RCOR1: variants seen among roughly 807,000 people sequenced by gnomAD.
RCOR1 encodes the protein REST corepressor.
In RCOR1, 12 loss-of-function variants were observed where a neutral mutation model predicts 64.0. That is an observed-to-expected ratio of 0.19 (90% CI 0.12 to 0.30). RCOR1 has a LOEUF of 0.30. RCOR1 is among the 10% of genes least tolerant of loss of function. The pLI, the probability that RCOR1 is intolerant of heterozygous loss-of-function variation, is 1.00. For synonymous variants in RCOR1, 279 were observed against 227.2 expected (o/e 1.23, Z -2.05); for missense variants, 502 against 621.2 (o/e 0.81, Z 2.04).
intron 2 of RCOR1, chr14:102,630,010 GA>G (rs1338851696): frequency 1.0e-6 from 1 of 976,040 alleles, no homozygotes; most frequent in Admixed American, 6.2e-5. Flanking sequence ...CAGAAGTGGG[GA>G]GTCTTGGGCA....
intron 3 of RCOR1, among the ~76,000 whole-genome samples, chr14:102,699,059 G>A (rs998245926): frequency 6.6e-6 from 1 of 152,082 alleles, no homozygotes; most frequent in Non-Finnish European, 1.5e-5. Context: ...GCTAATTTTT[G>A]TATTTTTAGT....
intron 8 of RCOR1, among the ~76,000 whole-genome samples, chr14:102,717,416 G>A (rs941670264): frequency 1.3e-5 from 2 of 152,232 alleles, no homozygotes; most frequent in Non-Finnish European, 2.9e-5. Flanking sequence ...AGCACACTCT[G>A]TGTGCTCAGA....
At chr14:102,672,111 G>C (rs961516695) in intron 2 of RCOR1, among the ~76,000 whole-genome samples, 5 of 152,146 alleles carry the variant, frequency 3.3e-5, no homozygotes, top group Non-Finnish European at 5.9e-5. Context: ...TTTAGCTGTT[G>C]AGTAATGCTG....
intron 2 of RCOR1, among the ~76,000 whole-genome samples, chr14:102,642,061 G>A (rs1343008976): frequency 6.6e-6 from 1 of 152,194 alleles, no homozygotes; most frequent in Non-Finnish European, 1.5e-5. Context: ...TTGGGGACAA[G>A]GGTGGTTAAC....
At chr14:102,629,330 C>T (rs1277565381) in intron 2 of RCOR1, among the ~76,000 whole-genome samples, 1 of 152,010 alleles carries the variant, frequency 6.6e-6, no homozygotes, top group Non-Finnish European at 1.5e-5. Flanking sequence ...TTACTCTTAT[C>T]GTCATCTAAC....
At chr14:102,704,863 G>A in intron 4 of RCOR1, among the ~76,000 whole-genome samples, 1 of 152,166 alleles carries the variant, frequency 6.6e-6, no homozygotes, top group East Asian at 1.9e-4. Flanking sequence ...GGTGGTGTGT[G>A]CCTGTGGTCC....
At chr14:102,656,982 C>G in intron 2 of RCOR1, 1 of 473,022 alleles carries the variant, frequency 2.1e-6, no homozygotes, top group Non-Finnish European at 2.8e-6. Flanking sequence ...ACCATGTTGG[C>G]CAGGATGGTC....
At chr14:102,665,311 C>CTTTTT (rs35214723) in intron 2 of RCOR1, among the ~76,000 whole-genome samples, 2 of 132,000 alleles carry the variant, frequency 1.5e-5, no homozygotes, top group Non-Finnish European at 1.6e-5. Flanking sequence ...GGCCTCAACA[C>CTTTTT]TTTTTTTTTT....
chr14:102,684,084 T>C (rs1198556931), intron 3 of RCOR1, among the ~76,000 whole-genome samples: 2 of 152,200 alleles, frequency 1.3e-5, no homozygotes, highest in African/African-American at 4.8e-5. Flanking sequence ...GGCTGAGCGC[T>C]AGGAACAGGT....
At chr14:102,629,204 G>T (rs1469166224) in intron 2 of RCOR1, among the ~76,000 whole-genome samples, 6 of 152,068 alleles carry the variant, frequency 3.9e-5, no homozygotes, top group African/African-American at 1.4e-4. Context: ...CCTTATTCTT[G>T]CCACGTGTAC....
Position 102,659,025 on chromosome 14 carries a change from T to G in RCOR1, c.362-22870T>G, listed in dbSNP as rs74674595. ...AACCTACACTCAAGTCGGGGAGATTTAAGCTCCATCTCCTAGAGGGGAGTG... is the reference window on the plus strand; with the variant it reads ...AACCTACACTCAAGTCGGGGAGATTGAAGCTCCATCTCCTAGAGGGGAGTG... On this transcript the variant is annotated intron_variant, in intron 2 of 11. Coordinates refer to ENST00000262241, the MANE Select transcript of RCOR1 (RefSeq NM_015156.4). 4.9e-3 allele frequency: 3,335 copies of G among 686,882 alleles called. 96 individuals are homozygous for G. In the African/African-American group the frequency reaches 0.059, roughly 12 times the overall value. 42.5% of individuals were successfully genotyped at this position (686,882 alleles called of 1,614,324 possible).
rs551513550 is a variant in RCOR1 at position 102,647,674 on chromosome 14, A to G, written c.362-34221A>G. The stretch of plus-strand genomic sequence containing the variant: ...TGAACATAAAGACATCTTTATTTTT[A>G]TTTATTTATTTTATTTATTTTTGAG... On this transcript the variant is annotated intron_variant, in intron 2 of 11. Coordinates refer to ENST00000262241, the MANE Select transcript of RCOR1 (RefSeq NM_015156.4). Among the ~76,000 whole-genome samples, 12 of 151,924 alleles carry G rather than the reference A, an allele frequency of 7.9e-5. No homozygotes were observed. In the South Asian group the frequency reaches 2.5e-3, roughly 32 times the overall value.
chr14:102,667,040 G>A (rs1894927443), intron 2 of RCOR1, among the ~76,000 whole-genome samples: 1 of 152,078 alleles, frequency 6.6e-6, no homozygotes, highest in African/African-American at 2.4e-5. Context: ...GATTTGATCA[G>A]AATTATGTTC....
At chr14:102,593,559 C>G (rs975201122) in intron 2 of RCOR1, among the ~76,000 whole-genome samples, 14 of 152,248 alleles carry the variant, frequency 9.2e-5, no homozygotes, top group Admixed American at 9.2e-4. Context: ...GGCGCCGCTG[C>G]CCCCTTGCGC....
At position 102,675,333 on chromosome 14, in the gene RCOR1, C is replaced by T. The variant is rs377641203; in HGVS notation, c.362-6562C>T. Among the ~76,000 whole-genome samples, 15 of 152,174 alleles carry T rather than the reference C, an allele frequency of 9.9e-5. No individual in the cohort carries two copies. In the East Asian group the frequency reaches 1.9e-3, roughly 20 times the overall value. ...GGTAGTACTGAACCCTATATATATA[C>T]TATGGTTCTTCCTATGCATACATAC... On this transcript the variant is annotated intron_variant, in intron 2 of 11. Coordinates refer to ENST00000262241, the MANE Select transcript of RCOR1 (RefSeq NM_015156.4).
chr14:102,608,832 T>C (rs1026201159), intron 2 of RCOR1, among the ~76,000 whole-genome samples: 6 of 152,032 alleles, frequency 3.9e-5, no homozygotes, highest in Admixed American at 3.9e-4. Context: ...CCCAAAATGC[T>C]GAGCTTATAG....
intron 2 of RCOR1, among the ~76,000 whole-genome samples, chr14:102,632,096 C>T (rs1490016970): frequency 6.6e-6 from 1 of 150,664 alleles, no homozygotes; most frequent in East Asian, 2.0e-4. Context: ...AGGCGTGAGC[C>T]ACCGTGCCGA....
chr14:102,653,971 C>CTTTT (rs1894659012), intron 2 of RCOR1, among the ~76,000 whole-genome samples: 1 of 37,434 alleles, frequency 2.7e-5, no homozygotes, highest in African/African-American at 1.9e-4. Context: ...TTCTTTCTTT[C>CTTTT]TTTCTTTCTT....
chr14:102,708,127 G>A (rs1209142343), intron 5 of RCOR1, among the ~76,000 whole-genome samples: 1 of 152,086 alleles, frequency 6.6e-6, no homozygotes, highest in Non-Finnish European at 1.5e-5. Context: ...TACCACGCCC[G>A]GCTAATTTTT....
Sources: gnomAD v4.1 joint callset for allele counts (sites outside exome capture counted in the v4.1 genomes callset) on GRCh38, gnomAD v4.1.1 for gene constraint, MANE v1.5 for transcripts, NCBI Gene and HGNC (gene_info 2026-07-23, HGNC 2026-07-21) for gene names.